CELF1: variants seen among roughly 807,000 people sequenced by gnomAD.
CELF1 encodes CUGBP Elav-like family member 1.
A neutral mutation model predicts 61.8 loss-of-function variants in CELF1; 10 were observed. That is an observed-to-expected ratio of 0.16 (90% CI 0.10 to 0.27). CELF1 has a LOEUF of 0.27. Ranked by LOEUF, CELF1 falls within the 10% of genes least tolerant of loss-of-function variation. The probability of loss-of-function intolerance (pLI) is 1.00; values close to 1 mark genes in which losing one functional copy is unlikely to be tolerated. For synonymous variants in CELF1, 236 were observed against 225.1 expected (o/e 1.05, Z -0.43); for missense variants, 380 against 639.1 (o/e 0.59, Z 4.37).
intron 3 of CELF1, chr11:47,496,103 G>T: frequency 2.2e-6 from 1 of 463,326 alleles, no homozygotes; most frequent in Non-Finnish European, 2.8e-6. Flanking sequence ...ACTGGCCTGA[G>T]TTACTTACCA....
In CELF1 at chr11:47,476,892, C is replaced by A; in HGVS notation, c.1041G>T (p.Gln347His). Residue 347 changes from glutamine to histidine, a missense_variant, in exon 12 of 15, where the codon CAG becomes CAT. Transcript: ENST00000687097. The part of the protein sequence containing the change: ...VNPIASLGAL[Q>H]TLAGATAGLN... The stretch of plus-strand genomic sequence containing the variant: ...GGCCAGCCGTTGCTCCAGCTAATGT[C>A]TGCAGGGCTCCAAGTGAGGCTATGG... 6.2e-7 allele frequency: 1 copy of A among 1,614,234 alleles called. No homozygotes were observed. Among genetic ancestry groups the A allele is most frequent in the Non-Finnish European group, 8.5e-7 (1 of 1,180,030 alleles).
intron 10 of CELF1, 49 bp downstream of exon 10, chr11:47,478,828 G>T (rs551235513): frequency 7.0e-7 from 1 of 1,435,600 alleles, no homozygotes; most frequent in East Asian, 2.3e-5. Flanking sequence ...TGTTAGCTGG[G>T]TCTGCTGGCC....
At chr11:47,554,944 G>A (rs548046327), upstream of CELF1, among the ~76,000 whole-genome samples, 17 of 152,098 alleles carry the variant, frequency 1.1e-4, no homozygotes, top group Non-Finnish European at 2.5e-4. Flanking sequence ...GATTACAGGC[G>A]TGAGCCACTG....
chr11:47,470,313 TTTTTA>T lies in CELF1; in HGVS notation c.*1912_*1916del, dbSNP rs2077413820. ...TTTTTTTTTTTGTTTTCTTTTTTCT[TTTTTA>T]TTTTTATTTTTTGCATTTATTTAAA... On this transcript the variant is annotated 3_prime_UTR_variant, in exon 15 of 15. Transcript: ENST00000687097. 6.6e-6 allele frequency: 1 copy of T among 152,010 alleles called. No individual in the cohort carries two copies. The highest frequency in any genetic ancestry group is 2.4e-5 in the African/African-American group (1 of 41,440). The allele number at this position is 152,010 out of a possible 1,614,324, so 9.4% of individuals were successfully genotyped here. A position where few individuals can be genotyped will look rare whatever the true frequency, so the allele number is the denominator to read the frequency against.
At chr11:47,480,040 A>G (rs1596259423) in intron 9 of CELF1, among the ~76,000 whole-genome samples, 1 of 151,934 alleles carries the variant, frequency 6.6e-6, no homozygotes, top group South Asian at 2.1e-4. Context: ...AGAACCTCAT[A>G]ATTAATGATG....
At chr11:47,558,721 A>T (rs1211971049) in intron 2 of CELF1, among the ~76,000 whole-genome samples, 1 of 106,530 alleles carries the variant, frequency 9.4e-6, no homozygotes, top group African/African-American at 4.1e-5. Flanking sequence ...TAATATTATG[A>T]CATATATTAT....
chr11:47,499,595 CT>C lies in CELF1; in HGVS notation c.-73del. On this transcript the variant is annotated 5_prime_UTR_variant, in exon 3 of 15. Coordinates refer to ENST00000687097, the MANE Select transcript of CELF1 (RefSeq NM_001376376.1). ...TTGTCTGATCCACAAATACACACAG[CT>C]TTAGCTTCCTGGGCCCCACAAAAAA... The C allele has an allele frequency of 8.1e-7, 1 of 1,234,826 alleles. No homozygotes were observed. Among genetic ancestry groups the C allele is most frequent in the Non-Finnish European group, 1.1e-6 (1 of 876,246 alleles). The allele number at this position is 1,234,826 out of a possible 1,614,324, so 76.5% of individuals were successfully genotyped here. A position where few individuals can be genotyped will look rare whatever the true frequency, so the allele number is the denominator to read the frequency against.
intron 1 of CELF1, among the ~76,000 whole-genome samples, chr11:47,552,227 T>C (rs975426468): frequency 2.6e-5 from 4 of 152,160 alleles, no homozygotes; most frequent in Admixed American, 6.6e-5. Context: ...TCCCCTCAAC[T>C]ATGGGTATGA....
intron 1 of CELF1, among the ~76,000 whole-genome samples, chr11:47,541,686 C>CAAAGAAAGAAAG (rs1555190315): frequency 5.1e-4 from 6 of 11,690 alleles, no homozygotes; most frequent in African/African-American, 7.7e-4. Flanking sequence ...GCGAGACTGT[C>CAAAGAAAGAAAG]AAAGAAAGAA....
At chr11:47,543,426 C>T (rs1018286712) in intron 1 of CELF1, among the ~76,000 whole-genome samples, 10 of 152,116 alleles carry the variant, frequency 6.6e-5, no homozygotes, top group African/African-American at 2.4e-4. Flanking sequence ...CCCAAAAAAG[C>T]CCCAAACTTT....
chr11:47,555,244 C>T (rs1459995635), upstream of CELF1, among the ~76,000 whole-genome samples: 6 of 152,100 alleles, frequency 3.9e-5, no homozygotes, highest in Non-Finnish European at 4.4e-5. Flanking sequence ...GCACCATGCC[C>T]GTCTTATTAT....
intron 1 of CELF1, among the ~76,000 whole-genome samples, chr11:47,520,602 G>A (rs1209569562): frequency 1.3e-5 from 2 of 151,706 alleles, no homozygotes; most frequent in African/African-American, 2.4e-5. Context: ...GAGCTCAGGA[G>A]TTCAAGACCA....
intron 1 of CELF1, among the ~76,000 whole-genome samples, chr11:47,539,783 G>A (rs1418496815): frequency 1.3e-5 from 2 of 152,172 alleles, no homozygotes; most frequent in South Asian, 2.1e-4. Flanking sequence ...GTGGATGGCT[G>A]CCCTCTCTCC....
chr11:47,510,539 T>C (rs755675575), intron 1 of CELF1, among the ~76,000 whole-genome samples: 4 of 152,240 alleles, frequency 2.6e-5, no homozygotes, highest in African/African-American at 4.8e-5. Flanking sequence ...CAGGCTGGAA[T>C]GCAGCGGTGT....
intron 3 of CELF1, among the ~76,000 whole-genome samples, chr11:47,497,536 TA>T (rs1316528112): frequency 2.0e-5 from 3 of 152,224 alleles, no homozygotes; most frequent in Non-Finnish European, 4.4e-5. Context: ...TTCTCATGTT[TA>T]AAATCGGGGC....
At chr11:47,495,619 G>C (rs1014975309) in intron 3 of CELF1, among the ~76,000 whole-genome samples, 2 of 152,176 alleles carry the variant, frequency 1.3e-5, no homozygotes, top group African/African-American at 2.4e-5. Flanking sequence ...TGCAACCAAA[G>C]TTATAAGGTA....
At chr11:47,565,309 G>C (rs1432951570) in exon 1 of CELF1, 2 of 183,958 alleles carry the variant, frequency 1.1e-5, no homozygotes, top group South Asian at 3.9e-4. Flanking sequence ...GAGGAGGGAG[G>C]TCACCGGCCA....
chr11:47,512,713 T>C (rs2095293158), intron 1 of CELF1, among the ~76,000 whole-genome samples: 1 of 152,084 alleles, frequency 6.6e-6, no homozygotes, highest in African/African-American at 2.4e-5. Flanking sequence ...CTCTTTAAAG[T>C]ATTACTTTTT....
At chr11:47,552,544 C>A (rs2097167191) in intron 1 of CELF1, among the ~76,000 whole-genome samples, 1 of 152,208 alleles carries the variant, frequency 6.6e-6, no homozygotes, top group African/African-American at 2.4e-5. Flanking sequence ...GGCGCGGACC[C>A]TTCGGCACCC....
Sources: gnomAD v4.1 joint callset for allele counts (sites outside exome capture counted in the v4.1 genomes callset) on GRCh38, gnomAD v4.1.1 for gene constraint, MANE v1.5 for transcripts, NCBI Gene and HGNC (gene_info 2026-07-23, HGNC 2026-07-21) for gene names.